CYP7B1: variants seen among roughly 807,000 people sequenced by gnomAD.
The protein encoded by CYP7B1 is cytochrome P450 family 7 subfamily B member 1.
Under a neutral mutation model 42.7 loss-of-function variants are expected in CYP7B1, and 29 were observed. That is an observed-to-expected ratio of 0.68 (90% CI 0.51 to 0.93). The LOEUF is 0.93. Ranked by LOEUF, CYP7B1 falls within the 40% of genes least tolerant of loss-of-function variation. CYP7B1 has a pLI of 0.00. For missense variants in CYP7B1, 655 were observed against 600.5 expected (o/e 1.09, Z -0.95); for synonymous variants, 235 against 218.2 (o/e 1.08, Z -0.68).
intron 1 of CYP7B1, among the ~76,000 whole-genome samples, chr8:64,691,099 G>C (rs964503208): frequency 6.6e-6 from 1 of 152,096 alleles, no homozygotes; most frequent in Non-Finnish European, 1.5e-5. Context: ...CCTACCAATG[G>C]CTAAGGTATT....
chr8:64,606,285 C>CA (rs1805279303), intron 4 of CYP7B1, among the ~76,000 whole-genome samples: 1 of 152,226 alleles, frequency 6.6e-6, no homozygotes, highest in Non-Finnish European at 1.5e-5. Flanking sequence ...AGGCACCTGA[C>CA]ACGATGGATT....
intron 1 of CYP7B1, among the ~76,000 whole-genome samples, chr8:64,745,213 T>C (rs1807626080): frequency 6.6e-6 from 1 of 152,044 alleles, no homozygotes; most frequent in African/African-American, 2.4e-5. Context: ...AGCAGTATAA[T>C]GTTCATTTTG....
intron 1 of CYP7B1, among the ~76,000 whole-genome samples, chr8:64,764,327 T>C (rs908391402): frequency 1.2e-4 from 16 of 138,552 alleles, no homozygotes; most frequent in Non-Finnish European, 6.1e-5. Context: ...CTTTAACAAC[T>C]GGAACTGGGT....
chr8:64,659,751 G>C (rs1806173607), intron 1 of CYP7B1, among the ~76,000 whole-genome samples: 1 of 152,164 alleles, frequency 6.6e-6, no homozygotes, highest in Non-Finnish European at 1.5e-5. Context: ...GTCTGGGTTG[G>C]AAGGAAAGGT....
chr8:64,587,758 TTTCTC>T (rs1440832602), downstream of CYP7B1: 2 of 152,376 alleles, frequency 1.3e-5, no homozygotes, highest in East Asian at 1.9e-4. Flanking sequence ...CTTCTCCACT[TTTCTC>T]TACTGTAGGC....
chr8:64,606,793 C>T (rs1052932393), intron 4 of CYP7B1, among the ~76,000 whole-genome samples: 4 of 152,114 alleles, frequency 2.6e-5, no homozygotes, highest in African/African-American at 4.8e-5. Context: ...AATCAATAGA[C>T]GACAAAAGTA....
In CYP7B1 at chr8:64,593,233, GTGTGT is replaced by G. The variant is rs1175247621; in HGVS notation, c.*3404_*3408del. 9.8e-5 allele frequency among the ~76,000 whole-genome samples: 4 copies of G among 40,916 alleles called. No homozygotes were observed. Among genetic ancestry groups the G allele is most frequent in the East Asian group, 2.2e-3 (1 of 450 alleles). 26.8% of individuals were successfully genotyped at this position (40,916 alleles called of 152,430 possible). On this transcript the variant is annotated 3_prime_UTR_variant, in exon 6 of 6. Transcript: ENST00000310193. ...GGTGGACTAAAGGCTAGGGCCCAGG[GTGTGT>G]GTGTGTGTGTGTGTGTGTGTGTGTG... is the stretch of plus-strand genomic sequence containing the variant.
chr8:64,741,952 C>T (rs1807575412), intron 1 of CYP7B1, among the ~76,000 whole-genome samples: 1 of 152,122 alleles, frequency 6.6e-6, no homozygotes, highest in South Asian at 2.1e-4. Flanking sequence ...TCAACAGAAT[C>T]TCAATCAAAT....
chr8:64,790,686 C>T (rs1804602902), intron 1 of CYP7B1, among the ~76,000 whole-genome samples: 1 of 152,100 alleles, frequency 6.6e-6, no homozygotes, highest in African/African-American at 2.4e-5. Context: ...TCCAATGTGC[C>T]CAAGAGTGTT....
At chr8:64,773,362 C>T (rs139863775) in intron 1 of CYP7B1, among the ~76,000 whole-genome samples, 1 of 152,296 alleles carries the variant, frequency 6.6e-6, no homozygotes, top group African/African-American at 2.4e-5. Flanking sequence ...TTCCCAGGCT[C>T]ATATCTTTAC....
At position 64,604,769 on chromosome 8, in the gene CYP7B1, G is replaced by A. The variant is rs372814474; in HGVS notation, c.1146C>T (p.Thr382=). 12 of 1,613,964 alleles carry A rather than the reference G, an allele frequency of 7.4e-6. No individual in the cohort carries two copies. The African/African-American group carries it at 1.1e-4, about 14-fold the overall frequency. The stretch of plus-strand genomic sequence containing the variant: ...CTCCCTTTCGCACACAGTAGTCCCC[G>A]GTCTCTGAACTGAGAGTCAAATCCT... ...VEEDLTLSSE[T]GDYCVRKGDL... is the part of the protein sequence containing the mutation. The change falls in exon 5 of 6, where the codon ACC becomes ACT. Residue 382 remains threonine (T), a synonymous_variant. Transcript: ENST00000310193.
At chr8:64,714,681 G>A (rs1486192920) in intron 1 of CYP7B1, among the ~76,000 whole-genome samples, 4 of 152,124 alleles carry the variant, frequency 2.6e-5, no homozygotes, top group African/African-American at 7.2e-5. Context: ...GTCTGGACAC[G>A]ACAACATCCC....
downstream of CYP7B1, chr8:64,589,674 TAGAA>T (rs543495679): frequency 2.6e-5 from 4 of 152,220 alleles, no homozygotes; most frequent in Non-Finnish European, 5.9e-5. Context: ...GGCTAGTTCT[TAGAA>T]ATAAAAGTTA....
chr8:64,681,683 C>T (rs995169002), intron 1 of CYP7B1, among the ~76,000 whole-genome samples: 5 of 152,156 alleles, frequency 3.3e-5, no homozygotes, highest in Non-Finnish European at 5.9e-5. Context: ...CAGAGGCCTG[C>T]TAGCAATCAT....
At chr8:64,607,267 C>G in intron 4 of CYP7B1, among the ~76,000 whole-genome samples, 1 of 152,094 alleles carries the variant, frequency 6.6e-6, no homozygotes, top group East Asian at 1.9e-4. Flanking sequence ...AAGGTGTTGT[C>G]AGAGAGATTT....
intron 1 of CYP7B1, among the ~76,000 whole-genome samples, chr8:64,677,799 TCATTGTCATGTAGTTAGC>T (rs1806473996): frequency 6.9e-6 from 1 of 145,132 alleles, no homozygotes; most frequent in African/African-American, 2.6e-5. Flanking sequence ...CTAAATGAGA[TCATTGTCATGTAGTTAGC>T]ATACTTTCTG....
At chr8:64,717,049 G>A (rs1256135543) in intron 1 of CYP7B1, among the ~76,000 whole-genome samples, 1 of 152,164 alleles carries the variant, frequency 6.6e-6, no homozygotes, top group Non-Finnish European at 1.5e-5. Flanking sequence ...TGTATTAACT[G>A]TTTCATCAAA....
At chr8:64,739,206 T>G (rs550721481) in intron 1 of CYP7B1, among the ~76,000 whole-genome samples, 1 of 152,270 alleles carries the variant, frequency 6.6e-6, no homozygotes, top group East Asian at 1.9e-4. Context: ...CTAAGAAACA[T>G]TGGTGAAGGT....
chr8:64,718,851 G>A (rs756095160), intron 1 of CYP7B1, among the ~76,000 whole-genome samples: 17 of 152,294 alleles, frequency 1.1e-4, no homozygotes, highest in East Asian at 3.9e-4. Flanking sequence ...GTAGATTCCC[G>A]GAAGTCCCAG....
Sources: allele counts gnomAD v4.1 joint callset (sites outside exome capture counted in the v4.1 genomes callset), GRCh38; gene constraint gnomAD v4.1.1; transcripts MANE v1.5; gene names NCBI Gene and HGNC (gene_info 2026-07-23, HGNC 2026-07-21).